Variants in PPP1R9A observed in about 807,000 individuals in gnomAD.
PPP1R9A encodes the protein protein phosphatase 1 regulatory subunit 9A.
In PPP1R9A, 59 loss-of-function variants were observed where a neutral mutation model predicts 141.9. The ratio of observed to expected loss-of-function variants is 0.42; its 90% CI spans 0.34 to 0.52. PPP1R9A has a LOEUF of 0.52. PPP1R9A is among the 20% of genes least tolerant of loss of function. PPP1R9A has a pLI of 0.10. For missense variants in PPP1R9A, 1,444 were observed against 1,611.9 expected, an observed-to-expected ratio of 0.90 and a Z score of 1.78; for synonymous variants, 500 against 569.7, an observed-to-expected ratio of 0.88 and a Z score of 1.74.
intron 12 of PPP1R9A, among the ~76,000 whole-genome samples, chr7:95,261,956 C>G (rs1486425501): frequency 6.6e-6 from 1 of 152,138 alleles, no homozygotes; most frequent in African/African-American, 2.4e-5. Context: ...AGGGAAATAA[C>G]TATCATCTCA....
intron 2 of PPP1R9A, among the ~76,000 whole-genome samples, chr7:95,034,180 A>G (rs1427631056): frequency 6.6e-6 from 1 of 152,102 alleles, no homozygotes; most frequent in Non-Finnish European, 1.5e-5. Context: ...AAATGTCTCA[A>G]TAACATTTTA....
chr7:95,187,506 A>G (rs74456737), intron 5 of PPP1R9A, among the ~76,000 whole-genome samples: 2,758 of 151,916 alleles, frequency 0.018, 110 homozygotes, highest in African/African-American at 0.063. Context: ...GTTTGTTTCA[A>G]TTTCATTTAG....
rs765122221 is a variant in PPP1R9A, at chr7:94,910,510, G to A, written c.397G>A (p.Gly133Ser). 2 of 1,614,162 alleles carry A rather than the reference G, an allele frequency of 1.2e-6. No individual in the cohort carries two copies. The highest frequency in any genetic ancestry group is 1.1e-5 in the South Asian group (1 of 91,086). ...TAGTAGATTTGACACTATGTACGAT[G>A]GCCCTTCATATTCCAAGTTCACTGA... The part of the protein sequence containing the change: ...RISRFDTMYD[G>S]PSYSKFTETR... The change falls in exon 2 of 20, where the codon GGC (glycine) becomes AGC (serine). Residue 133 changes from glycine (G) to serine (S), a missense_variant. Physicochemically the swap from Gly to Ser is moderately conservative, Grantham distance 56 (BLOSUM62 0). Coordinates refer to ENST00000433360, the MANE Select transcript of PPP1R9A (RefSeq NM_001166160.2). This position sits in a 1 kb window ranked among gnomAD's most constrained non-coding sequence, Gnocchi z 4.5.
intron 12 of PPP1R9A, among the ~76,000 whole-genome samples, chr7:95,268,112 T>C (rs1801587959): frequency 6.6e-6 from 1 of 152,202 alleles, no homozygotes; most frequent in South Asian, 2.1e-4. Flanking sequence ...AAATTTATGA[T>C]AGTTACCTTC....
intron 2 of PPP1R9A, among the ~76,000 whole-genome samples, chr7:95,001,658 T>C (rs1363201764): frequency 6.6e-6 from 1 of 152,204 alleles, no homozygotes; most frequent in East Asian, 1.9e-4. Flanking sequence ...ATCCAACCAG[T>C]TATTTTTCAT....
intron 3 of PPP1R9A, among the ~76,000 whole-genome samples, chr7:95,119,169 C>T (rs983598645): frequency 5.9e-5 from 9 of 151,912 alleles, no homozygotes; most frequent in Admixed American, 4.6e-4. Flanking sequence ...ATTACAAAGA[C>T]TTTGAGGCTA....
Position 95,291,620 on chromosome 7 carries a change from A to C in PPP1R9A, c.*1317A>C, listed in dbSNP as rs998843032. ...AGGAGAAAATAAACTCGTTTTGAGA[A>C]ATTTCATGTGATGAGGGTTTTTTGT... On this transcript the variant is annotated 3_prime_UTR_variant, in exon 20 of 20. Coordinates refer to ENST00000433360, the MANE Select transcript of PPP1R9A (RefSeq NM_001166160.2). The C allele has an allele frequency of 2.0e-5, 3 of 152,192 alleles. No individual in the cohort carries two copies. The highest frequency in any genetic ancestry group is 4.4e-5 in the Non-Finnish European group (3 of 68,032). 9.4% of individuals were successfully genotyped at this position (152,192 alleles called of 1,614,324 possible).
At chr7:94,993,271 T>C (rs1342288334) in intron 2 of PPP1R9A, among the ~76,000 whole-genome samples, 1 of 152,166 alleles carries the variant, frequency 6.6e-6, no homozygotes, top group Non-Finnish European at 1.5e-5. Context: ...TCTATTTGTC[T>C]TGTGTTGATG....
chr7:95,286,022 C>G (rs1805248189), intron 17 of PPP1R9A, among the ~76,000 whole-genome samples, 184 bp from the exon 18 acceptor site: 1 of 152,132 alleles, frequency 6.6e-6, no homozygotes, highest in African/African-American at 2.4e-5. Flanking sequence ...AGAAAGCACC[C>G]AGAATTCCCT....
In PPP1R9A at chr7:95,250,170, C is replaced by T; in HGVS notation, c.2311C>T (p.His771Tyr). The change falls in exon 10 of 20, where the codon CAT (histidine) becomes TAT (tyrosine). Residue 771 changes from histidine (H) to tyrosine (Y), a missense_variant. This residue lies in a region of PPP1R9A where 488 missense variants were observed against 542.0 expected (regional missense o/e 0.90). Coordinates refer to ENST00000433360, the MANE Select transcript of PPP1R9A (RefSeq NM_001166160.2). ...AQTLCHTVNE[H>Y]LKETQSQYQA... ...AACATTATGCCACACAGTGAATGAGCATCTCAAAGAGACTCAAAGCCAGTA... is the reference window on the plus strand; with the variant it reads ...AACATTATGCCACACAGTGAATGAGTATCTCAAAGAGACTCAAAGCCAGTA... 6.2e-7 allele frequency: 1 copy of T among 1,613,908 alleles called. No homozygotes were observed. The highest frequency in any genetic ancestry group is 8.5e-7 in the Non-Finnish European group (1 of 1,179,916).
intron 7 of PPP1R9A, among the ~76,000 whole-genome samples, chr7:95,206,777 G>A (rs558720302): frequency 4.7e-4 from 71 of 152,174 alleles, no homozygotes; most frequent in African/African-American, 1.5e-3. Flanking sequence ...CATAATTATC[G>A]TTAATGCTTA....
Position 95,198,427 on chromosome 7 carries a change from G to A in PPP1R9A, c.1833G>A (p.Arg611=), listed in dbSNP as rs755499774. The part of the protein sequence containing the change: ...QLISQTLEQE[R]RQRELLEQHY... ...TAAGCCAGACACTGGAACAGGAGAG[G>A]CGCCAGAGAGAGCTGCTGGAACAGC... The change falls in exon 6 of 20, where the codon AGG becomes AGA. Residue 611 remains arginine, a synonymous_variant. Transcript: ENST00000433360. 6 of 1,613,320 alleles carry A rather than the reference G, an allele frequency of 3.7e-6. No individual in the cohort carries two copies. Among genetic ancestry groups the A allele is most frequent in the Middle Eastern group, 1.7e-4 (1 of 6,048 alleles).
chr7:95,053,740 A>T (rs1248834295), intron 2 of PPP1R9A, among the ~76,000 whole-genome samples: 1 of 152,114 alleles, frequency 6.6e-6, no homozygotes, highest in Non-Finnish European at 1.5e-5. Context: ...GTGGTCTGTA[A>T]AGTAGGCTTA....
chr7:95,288,453 G>A, intron 18 of PPP1R9A, 83 bp from the exon 19 acceptor site: 2 of 1,523,136 alleles, frequency 1.3e-6, no homozygotes, highest in Non-Finnish European at 1.8e-6. Flanking sequence ...GGCTCTCATA[G>A]GTTAAGAAAT....
chr7:95,108,001 T>A (rs1819802683), intron 2 of PPP1R9A, among the ~76,000 whole-genome samples: 1 of 152,054 alleles, frequency 6.6e-6, no homozygotes, highest in Non-Finnish European at 1.5e-5. Context: ...AATTACTAAG[T>A]GTTTTATTGT....
At chr7:95,277,057 A>G (rs1018117797) in intron 16 of PPP1R9A, among the ~76,000 whole-genome samples, 1 of 152,142 alleles carries the variant, frequency 6.6e-6, no homozygotes, top group African/African-American at 2.4e-5. Context: ...ACACTCACCA[A>G]CCCTGGGAGA....
At chr7:95,102,709 A>G (rs187218625) in intron 2 of PPP1R9A, among the ~76,000 whole-genome samples, 101 of 152,328 alleles carry the variant, frequency 6.6e-4, no homozygotes, top group Non-Finnish European at 1.3e-3. Context: ...TTAACTTGTC[A>G]AAAGTGTCTC....
intron 8 of PPP1R9A, among the ~76,000 whole-genome samples, chr7:95,236,073 CAG>C (rs1328277175): frequency 6.6e-6 from 1 of 152,072 alleles, no homozygotes; most frequent in Admixed American, 6.6e-5. Flanking sequence ...ACCAAAACCT[CAG>C]AAATCACCAC....
At chr7:94,996,568 T>G (rs1164624081) in intron 2 of PPP1R9A, among the ~76,000 whole-genome samples, 1 of 152,152 alleles carries the variant, frequency 6.6e-6, no homozygotes, top group Non-Finnish European at 1.5e-5. Context: ...GAGTTATTGT[T>G]TTCATAAAAA....
Sources: allele counts gnomAD v4.1 joint callset (sites outside exome capture counted in the v4.1 genomes callset), GRCh38; gene constraint gnomAD v4.1.1; regional missense constraint gnomAD v4.1.1; non-coding constraint Gnocchi (gnomAD v3.1); transcripts MANE v1.5; gene names NCBI Gene and HGNC (gene_info 2026-07-23, HGNC 2026-07-21).